RPH3AL: variants seen among roughly 807,000 people sequenced by gnomAD.
RPH3AL encodes the protein rabphilin 3A like (without C2 domains).
Under a neutral mutation model 43.1 loss-of-function variants are expected in RPH3AL, and 38 were observed. The observed-to-expected ratio is 0.88, with a 90% CI of 0.68 to 1.15. RPH3AL has a LOEUF of 1.15. Ranked by LOEUF, RPH3AL falls within the 50% of genes most tolerant of loss-of-function variation. The probability of loss-of-function intolerance (pLI) is 0.00; values close to 1 mark genes in which losing one functional copy is unlikely to be tolerated. For synonymous variants in RPH3AL, 189 were observed against 176.3 expected (o/e 1.07, Z -0.57); for missense variants, 462 against 423.2 (o/e 1.09, Z -0.81).
intron 7 of RPH3AL, among the ~76,000 whole-genome samples, chr17:235,423 C>T (rs374570046): frequency 1.1e-4 from 9 of 78,684 alleles, no homozygotes; most frequent in African/African-American, 3.2e-4. Context: ...TGGGGTCGGC[C>T]GAGGCTCTGC....
chr17:273,340 A>T (rs1382414197), intron 6 of RPH3AL, among the ~76,000 whole-genome samples: 1 of 91,440 alleles, frequency 1.1e-5, no homozygotes, highest in African/African-American at 3.8e-5. Context: ...GAGAGACCCC[A>T]GCGAGGGTGA....
At chr17:324,998 A>G (rs2044584595) in intron 3 of RPH3AL, among the ~76,000 whole-genome samples, 1 of 152,166 alleles carries the variant, frequency 6.6e-6, no homozygotes, top group South Asian at 2.1e-4. Context: ...TGCTGGGATT[A>G]CAGGTGTGTG....
chr17:291,550 G>T (rs1598026656), intron 5 of RPH3AL, among the ~76,000 whole-genome samples: 1 of 152,312 alleles, frequency 6.6e-6, no homozygotes, highest in Middle Eastern at 3.4e-3. Flanking sequence ...AATAGGATAA[G>T]AAATAGCTAC....
At position 319,519 on chromosome 17, in the gene RPH3AL, C is replaced by T; in HGVS notation, c.252G>A (p.Arg84=). ...ACAGGCCGTTCCCCATCACATTCCG[C>T]CTCATGGTCTCCAGCCGCTCCACCA... ...GRLVERLETM[R]RNVMGNGLSQ... The change falls in exon 5 of 10, where the codon AGG becomes AGA. Residue 84 remains arginine, a synonymous_variant. Coordinates refer to ENST00000331302, the MANE Select transcript of RPH3AL (RefSeq NM_006987.4). The T allele has an allele frequency of 6.2e-7, 1 of 1,612,162 alleles. No individual in the cohort carries two copies. The highest frequency in any genetic ancestry group is 8.5e-7 in the Non-Finnish European group (1 of 1,179,970).
intron 7 of RPH3AL, among the ~76,000 whole-genome samples, chr17:224,015 G>A (rs1005245124): frequency 4.6e-5 from 7 of 152,338 alleles, no homozygotes; most frequent in Non-Finnish European, 7.4e-5. Flanking sequence ...AAGGTCAGGG[G>A]ACTCGTGGTC....
At chr17:317,261 T>C (rs1414252350) in intron 5 of RPH3AL, among the ~76,000 whole-genome samples, 2 of 150,854 alleles carry the variant, frequency 1.3e-5, no homozygotes, top group African/African-American at 2.5e-5. Context: ...CTGCAGTCCC[T>C]GTGCCCCACC....
intron 6 of RPH3AL, among the ~76,000 whole-genome samples, chr17:276,785 T>C (rs1217686025): frequency 6.6e-6 from 1 of 152,230 alleles, no homozygotes; most frequent in Non-Finnish European, 1.5e-5. Flanking sequence ...GGGTACCAAT[T>C]CTCCAAGCTG....
chr17:331,065 C>G (rs1268783360), intron 2 of RPH3AL: 1 of 145,930 alleles, frequency 6.9e-6, no homozygotes, highest in East Asian at 2.0e-4. Flanking sequence ...ATGAGGGAGG[C>G]GAGGGAGGCA....
intron 5 of RPH3AL, among the ~76,000 whole-genome samples, chr17:297,088 C>T (rs1239328439): frequency 1.3e-5 from 2 of 152,168 alleles, no homozygotes; most frequent in Admixed American, 1.3e-4. Context: ...CTCTCCAAGC[C>T]AACATGATGA....
At chr17:265,467 A>G (rs964716062) in intron 6 of RPH3AL, among the ~76,000 whole-genome samples, 1 of 152,242 alleles carries the variant, frequency 6.6e-6, no homozygotes, top group Non-Finnish European at 1.5e-5. Flanking sequence ...ATGCATACAC[A>G]TATCCACCTA....
chr17:274,321 G>T lies in RPH3AL; in HGVS notation c.438+7447C>A, dbSNP rs1404411125. 1.3e-5 allele frequency among the ~76,000 whole-genome samples: 2 copies of T among 152,128 alleles called. No homozygotes were observed. Among genetic ancestry groups the T allele is most frequent in the Non-Finnish European group, 2.9e-5 (2 of 68,014 alleles). On this transcript the variant is annotated intron_variant, in intron 6 of 9. Transcript: ENST00000331302. The surrounding 1 kb of genome is among the most constrained non-coding windows in gnomAD (Gnocchi z 4.7). ...GGGAGGCGTGCCATGGACCACCTGGGCCTCGCCTGCCCACCTGGGCCTCGC... is the reference window on the plus strand; with the variant it reads ...GGGAGGCGTGCCATGGACCACCTGGTCCTCGCCTGCCCACCTGGGCCTCGC...
chr17:327,941 G>A (rs150583004), intron 2 of RPH3AL, among the ~76,000 whole-genome samples: 13 of 152,280 alleles, frequency 8.5e-5, no homozygotes, highest in South Asian at 4.1e-4. Context: ...AGTACAGCAG[G>A]GGCCGAACTG....
chr17:300,492 T>C (rs111699597), intron 5 of RPH3AL, among the ~76,000 whole-genome samples: 27 of 7,662 alleles, frequency 3.5e-3, no homozygotes, highest in African/African-American at 4.7e-3. Context: ...CAGAATCTCT[T>C]ACCCGCTCTA....
chr17:321,265 G>A lies in RPH3AL; in HGVS notation c.221+7C>T, dbSNP rs376640816. On this transcript the variant is annotated splice_region_variant and intron_variant, in intron 4 of 9. Coordinates refer to ENST00000331302, the MANE Select transcript of RPH3AL (RefSeq NM_006987.4). ...CTCCCACTGAGCTGGCCCCGGCCCC[G>A]CCTCACCCGATTCTCTGCTGCTCCA... 3.4e-5 allele frequency: 54 copies of A among 1,604,172 alleles called. No homozygotes were observed. The highest frequency in any genetic ancestry group is 2.1e-4 in the African/African-American group (16 of 74,882).
chr17:316,904 C>T (rs1247262960), intron 5 of RPH3AL, among the ~76,000 whole-genome samples: 2 of 151,644 alleles, frequency 1.3e-5, no homozygotes, highest in Non-Finnish European at 2.9e-5. Context: ...TCCCTGTGCT[C>T]CACCTCCACT....
At position 274,381 on chromosome 17, in the gene RPH3AL, G is replaced by A. The variant is rs987772516; in HGVS notation, c.438+7387C>T. Among the ~76,000 whole-genome samples, 16 of 152,238 alleles carry A rather than the reference G, an allele frequency of 1.1e-4. No individual in the cohort carries two copies. The highest frequency in any genetic ancestry group is 2.7e-4 in the African/African-American group (11 of 41,466). On this transcript the variant is annotated intron_variant, in intron 6 of 9. Coordinates refer to ENST00000331302, the MANE Select transcript of RPH3AL (RefSeq NM_006987.4). This position sits in a 1 kb window ranked among gnomAD's most constrained non-coding sequence, Gnocchi z 4.7. Reference sequence around the variant, plus strand: ...TGGAGTAGGGGCAGCAGCTGAAGCCGCCTGGGCAGCCTTCCTGGCACTTCA... The same window carrying A: ...TGGAGTAGGGGCAGCAGCTGAAGCCACCTGGGCAGCCTTCCTGGCACTTCA...
chr17:256,281 C>G (rs1444988299), intron 6 of RPH3AL, among the ~76,000 whole-genome samples: 26 of 74,954 alleles, frequency 3.5e-4, no homozygotes, highest in Non-Finnish European at 5.6e-4. Context: ...TTTTCCATCC[C>G]TAGGAACGTG....
intron 1 of RPH3AL, chr17:339,760 A>C (rs1171427311): frequency 2.0e-5 from 3 of 152,234 alleles, no homozygotes; most frequent in Non-Finnish European, 4.4e-5. Context: ...TAACGAAAGC[A>C]ATGAGCCGGG....
At chr17:258,757 G>GTAT (rs2042128314) in intron 6 of RPH3AL, among the ~76,000 whole-genome samples, 1 of 98,770 alleles carries the variant, frequency 1.0e-5, no homozygotes, top group East Asian at 2.7e-4. Context: ...TAGTCAACCC[G>GTAT]TTTTTTTTTT....
Sources: allele counts gnomAD v4.1 joint callset (sites outside exome capture counted in the v4.1 genomes callset), GRCh38; gene constraint gnomAD v4.1.1; non-coding constraint Gnocchi (gnomAD v3.1); transcripts MANE v1.5; gene names NCBI Gene and HGNC (gene_info 2026-07-23, HGNC 2026-07-21).